CSNK2A2: variants seen among roughly 807,000 people sequenced by gnomAD.
The protein encoded by CSNK2A2 is casein kinase 2 alpha 2.
CSNK2A2 carries 8 observed loss-of-function variants against 54.0 expected under a neutral mutation model. The ratio of observed to expected loss-of-function variants is 0.15; its 90% CI spans 0.09 to 0.27. CSNK2A2 has a LOEUF of 0.27. Among genes scored for constraint, CSNK2A2 ranks in the 10% least tolerant of loss-of-function variants. The pLI is 1.00. For missense variants in CSNK2A2, 242 were observed against 439.4 expected, an observed-to-expected ratio of 0.55 and a Z score of 4.02; for synonymous variants, 141 against 153.9, an observed-to-expected ratio of 0.92 and a Z score of 0.62.
At chr16:58,196,449 T>C (rs1962450971) in intron 2 of CSNK2A2, among the ~76,000 whole-genome samples, 1 of 152,048 alleles carries the variant, frequency 6.6e-6, no homozygotes, top group South Asian at 2.1e-4. Context: ...GACCAGACCC[T>C]GACTCTACAA....
intron 2 of CSNK2A2, among the ~76,000 whole-genome samples, chr16:58,196,469 A>T (rs1962452153): frequency 6.6e-6 from 1 of 152,160 alleles, no homozygotes. Flanking sequence ...AAAAAATTTT[A>T]AAAATAGCTG....
rs529707914 is a variant in CSNK2A2, at chr16:58,169,188, G to C, written c.430-495C>G. Reference sequence around the variant, plus strand: ...TGATCCGCCAGCCTCGGCCTCCCAAGGTACTGGGATTACAGGTGTGAGCCA... The same window carrying C: ...TGATCCGCCAGCCTCGGCCTCCCAACGTACTGGGATTACAGGTGTGAGCCA... On this transcript the variant is annotated intron_variant, in intron 5 of 11. Transcript: ENST00000262506. 2.0e-3 allele frequency among the ~76,000 whole-genome samples: 304 copies of C among 151,970 alleles called. 1 individual carries two copies. The highest frequency in any genetic ancestry group is 7.0e-3 in the African/African-American group (291 of 41,502).
At chr16:58,171,262 C>T (rs182906636) in intron 5 of CSNK2A2, among the ~76,000 whole-genome samples, 16 of 152,146 alleles carry the variant, frequency 1.1e-4, no homozygotes, top group Admixed American at 5.2e-4. Flanking sequence ...TGGTGGCTCA[C>T]GCCTGTAATC....
intron 2 of CSNK2A2, among the ~76,000 whole-genome samples, chr16:58,196,513 T>C (rs564941615): frequency 6.6e-6 from 1 of 152,110 alleles, no homozygotes; most frequent in African/African-American, 2.4e-5. Context: ...TCCCAGCTAC[T>C]TGGGAGGCTG....
chr16:58,184,556 A>T (rs1470823328), intron 3 of CSNK2A2, among the ~76,000 whole-genome samples: 1 of 152,242 alleles, frequency 6.6e-6, no homozygotes, highest in Non-Finnish European at 1.5e-5. Context: ...GCCACAGCTG[A>T]TTAACTGCTA....
At chr16:58,179,105 G>A (rs1961956682) in intron 4 of CSNK2A2, among the ~76,000 whole-genome samples, 1 of 152,130 alleles carries the variant, frequency 6.6e-6, no homozygotes, top group Non-Finnish European at 1.5e-5. Flanking sequence ...GGTTTGCATA[G>A]GAAAACAGCC....
intron 2 of CSNK2A2, among the ~76,000 whole-genome samples, chr16:58,191,124 G>A (rs1899777460): frequency 1.3e-5 from 2 of 152,252 alleles, no homozygotes; most frequent in South Asian, 4.1e-4. Flanking sequence ...AGCCACAAAA[G>A]GATAAATACT....
intron 2 of CSNK2A2, among the ~76,000 whole-genome samples, chr16:58,194,200 G>A (rs1962379375): frequency 6.6e-6 from 1 of 152,180 alleles, no homozygotes; most frequent in African/African-American, 2.4e-5. Flanking sequence ...AAGGAAGGCT[G>A]TTCTAGATTC....
intron 4 of CSNK2A2, among the ~76,000 whole-genome samples, chr16:58,180,182 G>A (rs577997282): frequency 2.0e-5 from 3 of 151,662 alleles, no homozygotes; most frequent in African/African-American, 4.8e-5. Flanking sequence ...GTTGAAGGAA[G>A]AAAGAAGAAA....
At position 58,161,534 on chromosome 16, in the gene CSNK2A2, CACAG is replaced by C. The variant is rs1481950621; in HGVS notation, c.*17+2516_*17+2519del. On this transcript the variant is annotated intron_variant, in intron 11 of 11. Transcript: ENST00000262506. ...TAAATATTAGACACACAGACACACA[CACAG>C]ACACACACACAGACACACACACAGA... is the stretch of plus-strand genomic sequence containing the variant. 77 of 135,404 alleles carry C rather than the reference CACAG, an allele frequency of 5.7e-4. 1 individual carries two copies. The highest frequency in any genetic ancestry group is 2.0e-3 in the East Asian group (10 of 4,998). 8.4% of individuals were successfully genotyped at this position (135,404 alleles called of 1,614,324 possible). A position where few individuals can be genotyped will look rare whatever the true frequency, so the allele number is the denominator to read the frequency against.
chr16:58,166,785 A>T, intron 8 of CSNK2A2, 101 bp from the exon 9 acceptor site: 2 of 790,256 alleles, frequency 2.5e-6, no homozygotes, highest in Admixed American at 4.0e-5. Context: ...ACACCACTAA[A>T]CCTCTAGGAA....
At chr16:58,175,370 G>A (rs74019828) in intron 4 of CSNK2A2, among the ~76,000 whole-genome samples, 10,192 of 152,202 alleles carry the variant, frequency 0.067, 415 homozygotes, top group South Asian at 0.2. Flanking sequence ...TCCAAGCCAT[G>A]CTTTCTATAA....
At chr16:58,187,790 A>G (rs1228680447) in intron 2 of CSNK2A2, among the ~76,000 whole-genome samples, 1 of 152,274 alleles carries the variant, frequency 6.6e-6, no homozygotes, top group Admixed American at 6.5e-5. Context: ...GAGTTGAGCT[A>G]TCTGCCCAAG....
In CSNK2A2 at chr16:58,197,215, G is replaced by T; in HGVS notation, c.105-371C>A. On this transcript the variant is annotated intron_variant, in intron 1 of 11. Coordinates refer to ENST00000262506, the MANE Select transcript of CSNK2A2 (RefSeq NM_001896.4). The surrounding 1 kb of genome is among the most constrained non-coding windows in gnomAD (Gnocchi z 4.0). ...TAGACAATGCCTGTTTTAAAAATCT[G>T]GACGTCTTTAAGAAATTTCCTCCCA... 3.6e-6 allele frequency: 1 copy of T among 278,158 alleles called. No individual in the cohort carries two copies. 17.2% of individuals were successfully genotyped at this position (278,158 alleles called of 1,614,324 possible).
intron 2 of CSNK2A2, among the ~76,000 whole-genome samples, chr16:58,192,124 A>G (rs1483477673): frequency 2.0e-5 from 3 of 152,230 alleles, no homozygotes; most frequent in Non-Finnish European, 4.4e-5. Flanking sequence ...CAGGAAATGT[A>G]TGCTTATTTC....
intron 5 of CSNK2A2, chr16:58,174,208 G>A (rs1391145132): frequency 5.4e-6 from 2 of 368,830 alleles, no homozygotes; most frequent in African/African-American, 2.1e-5. Context: ...ACCAACAAGA[G>A]CTATGGGAGG....
At chr16:58,173,007 C>T (rs1365689751) in intron 5 of CSNK2A2, among the ~76,000 whole-genome samples, 3 of 152,132 alleles carry the variant, frequency 2.0e-5, no homozygotes, top group African/African-American at 7.2e-5. Flanking sequence ...AATCTCAAAC[C>T]ATCTTACTTA....
At chr16:58,191,818 T>C (rs1962328252) in intron 2 of CSNK2A2, among the ~76,000 whole-genome samples, 1 of 152,208 alleles carries the variant, frequency 6.6e-6, no homozygotes, top group African/African-American at 2.4e-5. Context: ...ATTACTACTA[T>C]ACTTTATTGA....
Position 58,197,816 on chromosome 16 carries a change from A to AGGAGGCAGCGGGCCGCC in CSNK2A2, c.-97_-81dup, listed in dbSNP as rs1382910122. 1.8e-5 allele frequency: 5 copies of AGGAGGCAGCGGGCCGCC among 276,254 alleles called. No individual in the cohort carries two copies. The highest frequency in any genetic ancestry group is 2.7e-5 in the African/African-American group (1 of 37,004). The allele number at this position is 276,254 out of a possible 1,614,324, so 17.1% of individuals were successfully genotyped here. ...GCGGGGGACGCGGGGCGTCGGGCGGAGGAGGCAGCGGGCCGCCGGGCGCTG... is the reference window on the plus strand; with the variant it reads ...GCGGGGGACGCGGGGCGTCGGGCGGAGGAGGCAGCGGGCCGCCGGAGGCAGCGGGCCGCCGGGCGCTG... On this transcript the variant is annotated 5_prime_UTR_variant, in exon 1 of 12. Transcript: ENST00000262506. The surrounding 1 kb of genome is among the most constrained non-coding windows in gnomAD (Gnocchi z 4.0).
Sources: gnomAD v4.1 joint callset for allele counts (sites outside exome capture counted in the v4.1 genomes callset) on GRCh38, gnomAD v4.1.1 for gene constraint, Gnocchi (gnomAD v3.1) non-coding constraint, MANE v1.5 for transcripts, NCBI Gene and HGNC (gene_info 2026-07-23, HGNC 2026-07-21) for gene names.